Variants in PLXDC2 observed in about 807,000 individuals in gnomAD.
PLXDC2 encodes plexin domain containing 2.
A neutral mutation model predicts 68.9 loss-of-function variants in PLXDC2; 40 were observed. The ratio of observed to expected loss-of-function variants is 0.58; its 90% confidence interval spans 0.45 to 0.76. PLXDC2 has a LOEUF of 0.76. PLXDC2 is among the 30% of genes least tolerant of loss of function. The pLI is 0.00. For synonymous variants in PLXDC2, 243 were observed against 234.2 expected, an observed-to-expected ratio of 1.04 and a Z score of -0.34; for missense variants, 644 against 661.9, an observed-to-expected ratio of 0.97 and a Z score of 0.30.
At chr10:19,948,978 A>G (rs916084814) in intron 1 of PLXDC2, among the ~76,000 whole-genome samples, 3 of 151,834 alleles carry the variant, frequency 2.0e-5, no homozygotes, top group Non-Finnish European at 4.4e-5. Flanking sequence ...AAAAATACAA[A>G]AATTATCTGG....
chr10:20,117,476 A>G (rs1354097499), intron 4 of PLXDC2, among the ~76,000 whole-genome samples: 1 of 152,186 alleles, frequency 6.6e-6, no homozygotes, highest in African/African-American at 2.4e-5. Flanking sequence ...AGGAACAGTG[A>G]TTTTCACACA....
At chr10:19,883,518 G>A (rs1424255457) in intron 1 of PLXDC2, among the ~76,000 whole-genome samples, 1 of 152,020 alleles carries the variant, frequency 6.6e-6, no homozygotes, top group Non-Finnish European at 1.5e-5. Context: ...CTTCCTACAT[G>A]AGTTTATAAT....
intron 12 of PLXDC2, among the ~76,000 whole-genome samples, chr10:20,239,582 C>G (rs1835486503): frequency 6.6e-6 from 1 of 152,114 alleles, no homozygotes. Context: ...ATAAGAGAAA[C>G]CACACCCATG....
intron 13 of PLXDC2, among the ~76,000 whole-genome samples, chr10:20,253,169 A>C (rs1835701042): frequency 1.3e-5 from 2 of 151,970 alleles, no homozygotes; most frequent in African/African-American, 4.8e-5. Context: ...GTTTGAGACC[A>C]GCCTGGCCAA....
chr10:19,926,461 G>A (rs970875958), intron 1 of PLXDC2, among the ~76,000 whole-genome samples: 14 of 152,128 alleles, frequency 9.2e-5, no homozygotes, highest in East Asian at 5.8e-4. Context: ...TAATAGAGGC[G>A]TCAGCAGGCG....
At chr10:20,122,663 G>A (rs1003763066) in intron 4 of PLXDC2, among the ~76,000 whole-genome samples, 4 of 152,354 alleles carry the variant, frequency 2.6e-5, no homozygotes, top group East Asian at 3.9e-4. Context: ...ATGTCTGGCC[G>A]CTGCGGTTCA....
chr10:19,986,623 A>G (rs533647212), intron 1 of PLXDC2, among the ~76,000 whole-genome samples: 4 of 152,286 alleles, frequency 2.6e-5, no homozygotes, highest in African/African-American at 7.2e-5. Flanking sequence ...GTAATTCATA[A>G]CAAAAGGCAG....
intron 6 of PLXDC2, among the ~76,000 whole-genome samples, chr10:20,159,269 A>G (rs1472441765): frequency 6.6e-6 from 1 of 152,194 alleles, no homozygotes; most frequent in Non-Finnish European, 1.5e-5. Context: ...TGTACAACCT[A>G]TAACATTCCT....
At chr10:20,247,504 A>G (rs886546491) in intron 13 of PLXDC2, among the ~76,000 whole-genome samples, 1 of 151,386 alleles carries the variant, frequency 6.6e-6, no homozygotes, top group Non-Finnish European at 1.5e-5. Flanking sequence ...CTCCCTTCCC[A>G]TATTAGTTCT....
chr10:19,930,232 T>G (rs1406745103), intron 1 of PLXDC2, among the ~76,000 whole-genome samples: 1 of 152,204 alleles, frequency 6.6e-6, no homozygotes, highest in Non-Finnish European at 1.5e-5. Flanking sequence ...GAAATCAATT[T>G]AAAAATGAGG....
intron 1 of PLXDC2, among the ~76,000 whole-genome samples, chr10:19,869,599 AG>A (rs1837495830): frequency 6.6e-6 from 1 of 152,098 alleles, no homozygotes; most frequent in Non-Finnish European, 1.5e-5. Flanking sequence ...ATTAAATTAA[AG>A]AATAAGCACA....
chr10:20,004,344 A>G (rs891373687), intron 2 of PLXDC2, among the ~76,000 whole-genome samples: 3 of 152,182 alleles, frequency 2.0e-5, no homozygotes, highest in African/African-American at 7.2e-5. Context: ...AAGTCTTATG[A>G]TATCTATAAG....
At chr10:20,201,759 TCAA>T (rs1834922821) in intron 9 of PLXDC2, among the ~76,000 whole-genome samples, 1 of 152,066 alleles carries the variant, frequency 6.6e-6, no homozygotes, top group East Asian at 1.9e-4. Context: ...TTGTCATATA[TCAA>T]TTAAAAGATT....
chr10:19,871,892 A>G (rs1290588926), intron 1 of PLXDC2, among the ~76,000 whole-genome samples: 4 of 151,956 alleles, frequency 2.6e-5, no homozygotes, highest in African/African-American at 9.7e-5. Flanking sequence ...CAAAAAAAAA[A>G]AAAAAAACAC....
At chr10:20,221,090 G>A (rs527865801) in intron 12 of PLXDC2, among the ~76,000 whole-genome samples, 6 of 152,012 alleles carry the variant, frequency 3.9e-5, no homozygotes, top group Admixed American at 2.0e-4. Context: ...TGATCCACCC[G>A]TCTCGACCTC....
intron 13 of PLXDC2, among the ~76,000 whole-genome samples, chr10:20,262,493 G>A (rs1338493321): frequency 6.6e-6 from 1 of 152,148 alleles, no homozygotes; most frequent in Non-Finnish European, 1.5e-5. Flanking sequence ...CTCCCTCCAG[G>A]CAGCCTCCAG....
chr10:19,940,621 C>A (rs1294689505), intron 1 of PLXDC2, among the ~76,000 whole-genome samples: 2 of 151,414 alleles, frequency 1.3e-5, no homozygotes, highest in African/African-American at 4.8e-5. Context: ...AATAAATCAT[C>A]ATTGTCTCCT....
chr10:20,170,870 TTAAA>T (rs1463322323), intron 7 of PLXDC2, among the ~76,000 whole-genome samples: 98 of 151,902 alleles, frequency 6.5e-4, no homozygotes, highest in African/African-American at 2.3e-3. Context: ...TAATATTTAA[TTAAA>T]TAAAATATTA....
intron 2 of PLXDC2, among the ~76,000 whole-genome samples, chr10:20,009,906 T>C (rs1835083447): frequency 2.0e-5 from 3 of 152,004 alleles, no homozygotes; most frequent in African/African-American, 7.2e-5. Flanking sequence ...CTATGGGAAC[T>C]GAATCAGAAA....
Sources: gnomAD v4.1 joint callset for allele counts (sites outside exome capture counted in the v4.1 genomes callset) on GRCh38, gnomAD v4.1.1 for gene constraint, MANE v1.5 for transcripts, NCBI Gene and HGNC (gene_info 2026-07-23, HGNC 2026-07-21) for gene names.